Variants in PKHD1 observed in about 807,000 individuals in gnomAD.
The protein encoded by PKHD1 is PKHD1 ciliary IPT domain containing fibrocystin/polyductin.
Under a neutral mutation model 412.0 loss-of-function variants are expected in PKHD1, and 291 were observed. The ratio of observed to expected loss-of-function variants is 0.71; its 90% confidence interval spans 0.64 to 0.78. PKHD1 has a LOEUF of 0.78. Among genes scored for constraint, PKHD1 ranks in the 30% least tolerant of loss-of-function variants. PKHD1 has a pLI of 0.00. For missense variants in PKHD1, 4,825 were observed against 4,950.7 expected (o/e 0.97, Z 0.76); for synonymous variants, 1,777 against 1,821.5 (o/e 0.98, Z 0.62).
intron 60 of PKHD1, among the ~76,000 whole-genome samples, chr6:51,730,483 T>C (rs948287949): frequency 1.3e-5 from 2 of 152,240 alleles, no homozygotes; most frequent in African/African-American, 4.8e-5. Flanking sequence ...TAAAATGCTA[T>C]TTTTGTTATA....
At chr6:51,893,037 T>C (rs1050381674) in intron 43 of PKHD1, among the ~76,000 whole-genome samples, 9 of 152,128 alleles carry the variant, frequency 5.9e-5, no homozygotes, top group African/African-American at 2.2e-4. Context: ...TCCACGAGCC[T>C]TGGGAAAGGT....
Position 51,911,919 on chromosome 6 carries a change from C to G in PKHD1, c.6370G>C (p.Glu2124Gln). 1 of 1,612,118 alleles carries G rather than the reference C, an allele frequency of 6.2e-7. No individual in the cohort carries two copies. Among genetic ancestry groups the G allele is most frequent in the East Asian group, 2.2e-5 (1 of 44,840 alleles). The part of the protein sequence containing the change: ...HNFTENWVAG[E>Q]HHILKATVAL... ...ACAGTGGCCTTTAAAATATGGTGCT[C>G]TCCAGCCACCCAATTCTCTGTAAAG... The change falls in exon 39 of 67, where the codon GAG becomes CAG. Residue 2124 changes from glutamate to glutamine, a missense_variant. Physicochemically the swap from Glu to Gln is conservative, Grantham distance 29. Transcript: ENST00000371117.
chr6:51,718,610 C>G (rs763543628), intron 60 of PKHD1, among the ~76,000 whole-genome samples: 2 of 152,024 alleles, frequency 1.3e-5, no homozygotes, highest in Non-Finnish European at 2.9e-5. Flanking sequence ...GAGATTATAC[C>G]ACTATACTAT....
At chr6:51,941,228 A>G (rs1429557120) in intron 36 of PKHD1, among the ~76,000 whole-genome samples, 2 of 134,476 alleles carry the variant, frequency 1.5e-5, no homozygotes, top group Admixed American at 7.6e-5. Context: ...CACCTGTTAC[A>G]GCATGGCCTT....
intron 36 of PKHD1, among the ~76,000 whole-genome samples, chr6:51,938,732 T>C (rs1014867970): frequency 2.0e-5 from 3 of 151,482 alleles, no homozygotes; most frequent in African/African-American, 4.8e-5. Flanking sequence ...CCTTGGGAGA[T>C]CAATCCCCTG....
intron 36 of PKHD1, among the ~76,000 whole-genome samples, chr6:51,954,271 T>C (rs998692633): frequency 1.1e-4 from 17 of 152,066 alleles, no homozygotes; most frequent in Non-Finnish European, 1.5e-5. Flanking sequence ...GCAACAATGA[T>C]AAATGCTAGC....
At position 51,748,547 on chromosome 6, in the gene PKHD1, G is replaced by A. The variant is rs1785560641; in HGVS notation, c.9069C>T (p.Ser3023=). 1 of 1,613,678 alleles carries A rather than the reference G, an allele frequency of 6.2e-7. No homozygotes were observed. The highest frequency in any genetic ancestry group is 8.5e-7 in the Non-Finnish European group (1 of 1,179,720). Reference sequence around the variant, plus strand: ...CAGCTGCATGAATGCCCCCGCCACAGCTCTGGTGCAGAGTAGATGATATGA... The same window carrying A: ...CAGCTGCATGAATGCCCCCGCCACAACTCTGGTGCAGAGTAGATGATATGA... ...SWIISSTLHQ[S]CGGGIHAAAS... The change falls in exon 58 of 67, where the codon AGC becomes AGT. Residue 3023 remains serine (S), a synonymous_variant. Coordinates refer to ENST00000371117, the MANE Select transcript of PKHD1 (RefSeq NM_138694.4).
chr6:51,800,611 T>C (rs1762758722), intron 52 of PKHD1, among the ~76,000 whole-genome samples: 4 of 152,202 alleles, frequency 2.6e-5, no homozygotes, highest in Admixed American at 6.5e-5. Context: ...AAGGTCACTA[T>C]TGTGTAGCAT....
intron 33 of PKHD1, among the ~76,000 whole-genome samples, chr6:52,020,905 C>T (rs911652576): frequency 7.7e-5 from 3 of 38,780 alleles, no homozygotes; most frequent in Non-Finnish European, 1.8e-4. Context: ...TATAGACCTA[C>T]TTCCTAGGGA....
chr6:51,824,797 G>A (rs1315301046), intron 52 of PKHD1, among the ~76,000 whole-genome samples: 3 of 152,030 alleles, frequency 2.0e-5, no homozygotes, highest in Non-Finnish European at 4.4e-5. Context: ...TCTAAGAAGA[G>A]GCTCTGGTCA....
In PKHD1 at chr6:51,919,739, T is replaced by C. The variant is rs577699391; in HGVS notation, c.6122-7163A>G. Among the ~76,000 whole-genome samples, 7 of 152,362 alleles carry C rather than the reference T, an allele frequency of 4.6e-5. No individual in the cohort carries two copies. In the East Asian group the frequency reaches 1.2e-3, roughly 25 times the overall value. ...TTGGGCAGTATGGCCATTTTCACGA[T>C]ATTGATTCTTCCTATCCATGAGCAT... On this transcript the variant is annotated intron_variant, in intron 37 of 66. Transcript: ENST00000371117.
chr6:52,070,583 C>CG (rs1199989310), intron 9 of PKHD1, 138 bp from the exon 10 acceptor site: 8 of 668,196 alleles, frequency 1.2e-5, no homozygotes, highest in Middle Eastern at 2.4e-4. Flanking sequence ...GGTTCCCCCC[C>CG]GCAAAAACAA....
At chr6:51,688,660 C>T (rs1365542947) in intron 60 of PKHD1, among the ~76,000 whole-genome samples, 4 of 152,010 alleles carry the variant, frequency 2.6e-5, no homozygotes, top group African/African-American at 4.8e-5. Context: ...GATATCACCA[C>T]GGACCCCACA....
chr6:51,781,332 T>A (rs1791971754), intron 53 of PKHD1, among the ~76,000 whole-genome samples: 1 of 152,116 alleles, frequency 6.6e-6, no homozygotes, highest in Admixed American at 6.6e-5. Flanking sequence ...AGATAAAAAT[T>A]GGTTATAAAA....
intron 60 of PKHD1, among the ~76,000 whole-genome samples, chr6:51,736,919 A>AGCTGT (rs2150922008): frequency 6.6e-6 from 1 of 152,348 alleles, no homozygotes; most frequent in East Asian, 1.9e-4. Context: ...TCTGTTAAGT[A>AGCTGT]GCTGAGCAGA....
chr6:52,053,018 G>A lies in PKHD1; in HGVS notation c.2140+58C>T, dbSNP rs1473468464. The stretch of plus-strand genomic sequence containing the variant: ...TTAAAAAAAACAGTAACCCCTAGCA[G>A]GAAAGTTTGAGGTAGGCATGTGACC... On this transcript the variant is annotated intron_variant, in intron 21 of 66. Coordinates refer to ENST00000371117, the MANE Select transcript of PKHD1 (RefSeq NM_138694.4). 3 of 1,531,368 alleles carry A rather than the reference G, an allele frequency of 2.0e-6. No individual in the cohort carries two copies. The African/African-American group carries it at 4.1e-5, about 21-fold the overall frequency. The allele number at this position is 1,531,368 out of a possible 1,614,324, so 94.9% of individuals were successfully genotyped here.
chr6:51,794,199 T>C (rs1794219352), intron 52 of PKHD1, among the ~76,000 whole-genome samples: 1 of 151,960 alleles, frequency 6.6e-6, no homozygotes, highest in Admixed American at 6.6e-5. Context: ...ACCGCGCCTT[T>C]TTTGACTTTT....
intron 64 of PKHD1, among the ~76,000 whole-genome samples, chr6:51,632,974 TTC>T (rs1379298619): frequency 6.6e-6 from 1 of 152,146 alleles, no homozygotes; most frequent in Non-Finnish European, 1.5e-5. Context: ...ATTCTTCCAA[TTC>T]TCTCTTTTAA....
At chr6:51,739,073 A>T (rs1784222198) in intron 60 of PKHD1, among the ~76,000 whole-genome samples, 2 of 147,298 alleles carry the variant, frequency 1.4e-5, no homozygotes, top group Non-Finnish European at 1.5e-5. Flanking sequence ...TATTTTATAT[A>T]TTTTTTATAT....
Sources: gnomAD v4.1 joint callset for allele counts (sites outside exome capture counted in the v4.1 genomes callset) on GRCh38, gnomAD v4.1.1 for gene constraint, MANE v1.5 for transcripts, NCBI Gene and HGNC (gene_info 2026-07-23, HGNC 2026-07-21) for gene names.